The following RBFOX1 variants were observed in gnomAD, a reference collection of about 807,000 sequenced individuals.
RBFOX1 encodes RNA binding protein fox-1 homolog 1.
Under a neutral mutation model 57.7 loss-of-function variants are expected in RBFOX1, and 8 were observed. The observed-to-expected ratio is 0.14, with a 90% CI of 0.08 to 0.25. The LOEUF (loss-of-function observed/expected upper bound fraction) is 0.25, where lower values mean the gene tolerates loss of function less well. Among genes scored for constraint, RBFOX1 ranks in the 10% least tolerant of loss-of-function variants. The pLI, the probability that RBFOX1 is intolerant of heterozygous loss-of-function variation, is 1.00. For synonymous variants in RBFOX1, 326 were observed against 222.4 expected, an observed-to-expected ratio of 1.47 and a Z score of -4.15; for missense variants, 611 against 548.5, an observed-to-expected ratio of 1.11 and a Z score of -1.14.
intron 3 of RBFOX1, among the ~76,000 whole-genome samples, chr16:5,819,749 A>G (rs2055777911): frequency 6.6e-6 from 1 of 152,218 alleles, no homozygotes; most frequent in Non-Finnish European, 1.5e-5. Context: ...ATCCTTTAAG[A>G]CATGGCTTTA....
chr16:5,465,579 A>C (rs934491955), intron 1 of RBFOX1, among the ~76,000 whole-genome samples: 1 of 152,204 alleles, frequency 6.6e-6, no homozygotes, highest in African/African-American at 2.4e-5. Context: ...ACTGTAGGTC[A>C]AAGTCATGTC....
intron 1 of RBFOX1, among the ~76,000 whole-genome samples, chr16:5,262,163 C>T (rs1448630949): frequency 2.6e-5 from 4 of 152,054 alleles, no homozygotes; most frequent in South Asian, 4.1e-4. Flanking sequence ...TTGAACTAAG[C>T]CTTGAAATAA....
intron 3 of RBFOX1, among the ~76,000 whole-genome samples, chr16:6,923,102 A>C (rs1204476914): frequency 2.0e-5 from 3 of 152,314 alleles, no homozygotes; most frequent in South Asian, 2.1e-4. Flanking sequence ...CAATGAGAGA[A>C]AGTGATTTGT....
intron 4 of RBFOX1, among the ~76,000 whole-genome samples, chr16:7,298,700 T>C (rs181651635): frequency 6.6e-6 from 1 of 152,356 alleles, no homozygotes; most frequent in African/African-American, 2.4e-5. Flanking sequence ...GCATTATATA[T>C]GTATTCCTAC....
At chr16:7,696,505 G>T (rs974474241) in intron 14 of RBFOX1, among the ~76,000 whole-genome samples, 3 of 145,760 alleles carry the variant, frequency 2.1e-5, no homozygotes, top group Non-Finnish European at 4.4e-5. Context: ...TATGAGAATG[G>T]AGGTTGAAAA....
chr16:6,318,835 G>C (rs1171430700), intron 2 of RBFOX1, among the ~76,000 whole-genome samples: 1 of 151,618 alleles, frequency 6.6e-6, no homozygotes, highest in African/African-American at 2.4e-5. Flanking sequence ...TTTTAGAAAG[G>C]AAGCAATGGC....
chr16:7,552,677 A>G (rs1276462844), intron 5 of RBFOX1, among the ~76,000 whole-genome samples: 1 of 151,758 alleles, frequency 6.6e-6, no homozygotes, highest in Non-Finnish European at 1.5e-5. Context: ...CTAATTTGCC[A>G]CTCTTGTTTT....
intron 4 of RBFOX1, among the ~76,000 whole-genome samples, chr16:5,899,649 C>G (rs1002594906): frequency 5.9e-5 from 9 of 152,264 alleles, no homozygotes; most frequent in African/African-American, 2.2e-4. Context: ...AAACCCCTCC[C>G]TGGTGGGTGG....
chr16:7,501,396 G>T (rs1351389667), intron 4 of RBFOX1, among the ~76,000 whole-genome samples: 2 of 152,140 alleles, frequency 1.3e-5, no homozygotes, highest in Non-Finnish European at 2.9e-5. Flanking sequence ...ATGTATCATT[G>T]TTGCATTTAC....
chr16:5,464,382 G>C (rs1295516293), intron 1 of RBFOX1, among the ~76,000 whole-genome samples: 1 of 152,216 alleles, frequency 6.6e-6, no homozygotes, highest in Admixed American at 6.5e-5. Flanking sequence ...GATAGGCATA[G>C]AGAAAGGAGG....
At chr16:7,363,156 GAGA>G (rs2146783600) in intron 4 of RBFOX1, among the ~76,000 whole-genome samples, 1 of 152,248 alleles carries the variant, frequency 6.6e-6, no homozygotes, top group African/African-American at 2.4e-5. Context: ...TTTTCATTAT[GAGA>G]GGCTTTGGGA....
At chr16:6,853,511 G>A (rs2094181291) in intron 3 of RBFOX1, among the ~76,000 whole-genome samples, 1 of 152,084 alleles carries the variant, frequency 6.6e-6, no homozygotes, top group African/African-American at 2.4e-5. Flanking sequence ...ATCCCTGTCT[G>A]CTTGGGACTC....
chr16:5,404,314 C>G (rs2066802637), intron 1 of RBFOX1, among the ~76,000 whole-genome samples: 1 of 152,106 alleles, frequency 6.6e-6, no homozygotes, highest in African/African-American at 2.4e-5. Context: ...AAAGAAGTGC[C>G]AACCTTCTGG....
At chr16:6,265,091 C>T (rs1418926319) in intron 1 of RBFOX1, among the ~76,000 whole-genome samples, 1 of 152,108 alleles carries the variant, frequency 6.6e-6, no homozygotes, top group East Asian at 1.9e-4. Flanking sequence ...TCCCTACAAG[C>T]CATTCAACAA....
At chr16:5,959,975 G>T (rs1281739535) in intron 4 of RBFOX1, among the ~76,000 whole-genome samples, 2 of 152,260 alleles carry the variant, frequency 1.3e-5, no homozygotes, top group Admixed American at 6.5e-5. Context: ...CAGAGGCGGG[G>T]GGATCACCTG....
chr16:6,877,550 A>G (rs2062073797), intron 3 of RBFOX1, among the ~76,000 whole-genome samples: 2 of 152,294 alleles, frequency 1.3e-5, no homozygotes, highest in Middle Eastern at 3.4e-3. Flanking sequence ...ATTCGGAACA[A>G]CTTCTGAATT....
chr16:7,596,126 GAAAAAAAAA>G (rs746966099), intron 8 of RBFOX1, among the ~76,000 whole-genome samples: 45 of 106,120 alleles, frequency 4.2e-4, no homozygotes, highest in African/African-American at 1.9e-3. Flanking sequence ...GTTTTTTGTG[GAAAAAAAAA>G]CAAAAAAAAA....
chr16:5,285,776 G>A (rs1448672925), intron 1 of RBFOX1, among the ~76,000 whole-genome samples: 2 of 151,634 alleles, frequency 1.3e-5, no homozygotes, highest in African/African-American at 4.8e-5. Flanking sequence ...GTTTTTTTTT[G>A]TTGTTGTCGT....
chr16:5,382,145 G>C (rs1433514122), intron 1 of RBFOX1, among the ~76,000 whole-genome samples: 3 of 152,172 alleles, frequency 2.0e-5, no homozygotes, highest in Admixed American at 6.5e-5. Context: ...GTTTTTCCAG[G>C]CTTCACAGAA....
Sources: allele counts gnomAD v4.1 joint callset (sites outside exome capture counted in the v4.1 genomes callset), GRCh38; gene constraint gnomAD v4.1.1; transcripts MANE v1.5; gene names NCBI Gene and HGNC (gene_info 2026-07-23, HGNC 2026-07-21).